Variants in TNKS2 observed in about 807,000 individuals in gnomAD.
TNKS2 encodes poly [ADP-ribose] polymerase tankyrase-2.
In TNKS2, 72 loss-of-function variants were observed where a neutral mutation model predicts 137.6. The ratio of observed to expected loss-of-function variants is 0.52; its 90% CI spans 0.43 to 0.64. The LOEUF (loss-of-function observed/expected upper bound fraction) is 0.64. TNKS2 is among the 30% of genes least tolerant of loss of function. TNKS2 has a pLI of 0.00. For synonymous variants in TNKS2, 516 were observed against 512.1 expected, an observed-to-expected ratio of 1.01 and a Z score of -0.10; for missense variants, 1,049 against 1,410.2, an observed-to-expected ratio of 0.74 and a Z score of 4.10.
At chr10:91,841,487 A>T in intron 15 of TNKS2, 39 bp downstream of exon 15, 1 of 1,492,376 alleles carries the variant, frequency 6.7e-7, no homozygotes, top group African/African-American at 1.4e-5. Flanking sequence ...TATGAATTAC[A>T]TAGCATATGT....
At chr10:91,861,258 G>T (rs1004851103) in intron 25 of TNKS2, among the ~76,000 whole-genome samples, 2 of 152,146 alleles carry the variant, frequency 1.3e-5, no homozygotes, top group African/African-American at 4.8e-5. Context: ...AAATTCTGTG[G>T]ATGGGGACCA....
intron 13 of TNKS2, among the ~76,000 whole-genome samples, chr10:91,839,880 G>T (rs1252561695): frequency 6.6e-6 from 1 of 152,116 alleles, no homozygotes; most frequent in African/African-American, 2.4e-5. Flanking sequence ...TTCTTAATAA[G>T]CTCCTTGGTA....
At chr10:91,851,431 C>A in intron 21 of TNKS2, 95 bp downstream of exon 21, 10 of 1,103,418 alleles carry the variant, frequency 9.1e-6, no homozygotes, top group Non-Finnish European at 1.1e-5. Context: ...ATGAGAGAAT[C>A]TGTTTAATAG....
chr10:91,807,332 C>G, intron 1 of TNKS2: 3 of 1,613,754 alleles, frequency 1.9e-6, no homozygotes, highest in South Asian at 2.2e-5. Context: ...CACACAAGTT[C>G]CCATCAGAAT....
chr10:91,824,995 C>T (rs1044633157), intron 7 of TNKS2, among the ~76,000 whole-genome samples: 1 of 152,066 alleles, frequency 6.6e-6, no homozygotes, highest in Non-Finnish European at 1.5e-5. Flanking sequence ...AATAGTATTG[C>T]AAGCAATATA....
intron 1 of TNKS2, among the ~76,000 whole-genome samples, chr10:91,803,113 G>C (rs1844221568): frequency 6.6e-6 from 1 of 152,200 alleles, no homozygotes; most frequent in South Asian, 2.1e-4. Context: ...TGGCCAGACA[G>C]TATGTCTATC....
intron 26 of TNKS2, among the ~76,000 whole-genome samples, chr10:91,862,367 C>T (rs1207159834): frequency 6.6e-6 from 1 of 152,012 alleles, no homozygotes; most frequent in Non-Finnish European, 1.5e-5. Context: ...ATATTTTGTT[C>T]TCTTTTTTAC....
intron 19 of TNKS2, 81 bp from the exon 20 acceptor site, chr10:91,849,431 T>C: frequency 9.3e-7 from 1 of 1,076,606 alleles, no homozygotes; most frequent in Non-Finnish European, 1.4e-6. Flanking sequence ...ATAGTAACAT[T>C]ACAAGACTTT....
chr10:91,817,989 C>T (rs184670359), intron 3 of TNKS2, among the ~76,000 whole-genome samples: 2 of 152,298 alleles, frequency 1.3e-5, no homozygotes, highest in East Asian at 3.9e-4. Flanking sequence ...AGCTTTGTGC[C>T]TGGATTTTGT....
chr10:91,812,765 C>T (rs1280967148), intron 1 of TNKS2: 1 of 985,216 alleles, frequency 1.0e-6, no homozygotes. Context: ...ACCCAAGGCA[C>T]TGCTTAGGTA....
At position 91,846,966 on chromosome 10, in the gene TNKS2, G is replaced by A. The variant is rs1842393981; in HGVS notation, c.2358+1026G>A. Among the ~76,000 whole-genome samples, 2 of 152,176 alleles carry A rather than the reference G, an allele frequency of 1.3e-5. 1 individual carries two copies. The highest frequency in any genetic ancestry group is 1.3e-4 in the Admixed American group (2 of 15,284). On this transcript the variant is annotated intron_variant, in intron 18 of 26. Coordinates refer to ENST00000371627, the MANE Select transcript of TNKS2 (RefSeq NM_025235.4). ...GAATTCCAGCTGCACGATTTAAGTTGTACAATCTTATGAACTGCCTAACCT... is the reference window on the plus strand; with the variant it reads ...GAATTCCAGCTGCACGATTTAAGTTATACAATCTTATGAACTGCCTAACCT...
At chr10:91,837,667 C>T (rs1184403171) in intron 13 of TNKS2, among the ~76,000 whole-genome samples, 1 of 152,172 alleles carries the variant, frequency 6.6e-6, no homozygotes, top group East Asian at 1.9e-4. Flanking sequence ...TCAGACCAGC[C>T]TGGCCAACAT....
Position 91,836,954 on chromosome 10 carries a change from C to A in TNKS2, c.1483C>A (p.Gln495Lys). The A allele has an allele frequency of 6.2e-7, 1 of 1,613,304 alleles. No homozygotes were observed. Among genetic ancestry groups the A allele is most frequent in the Non-Finnish European group, 8.5e-7 (1 of 1,179,626 alleles). The change falls in exon 13 of 27, where the codon CAA becomes AAA. Residue 495 changes from glutamine to lysine, a missense_variant. Transcript: ENST00000371627. Reference protein sequence around the residue: ...ISLGNSEADRQLLEAAKAGDV... With the variant: ...ISLGNSEADRKLLEAAKAGDV... ...ATTAGGTAATTCAGAGGCAGACAGA[C>A]AATTGCTGGAAGCTGCAAAGGCTGG... is the stretch of plus-strand genomic sequence containing the variant.
At chr10:91,811,014 A>G (rs775709008) in intron 1 of TNKS2, among the ~76,000 whole-genome samples, 24 of 123,870 alleles carry the variant, frequency 1.9e-4, no homozygotes, top group African/African-American at 7.6e-4. Flanking sequence ...TGCAACCTAT[A>G]CCTGCCGGGT....
Position 91,823,330 on chromosome 10 carries a change from T to G in TNKS2, c.795+968T>G, listed in dbSNP as rs1250950381. Among the ~76,000 whole-genome samples, 113 of 129,608 alleles carry G rather than the reference T, an allele frequency of 8.7e-4. 4 individuals carry two copies. Among genetic ancestry groups the G allele is most frequent in the South Asian group, 5.0e-3 (18 of 3,606 alleles). 85.0% of individuals were successfully genotyped at this position (129,608 alleles called of 152,430 possible). A position where few individuals can be genotyped will look rare whatever the true frequency, so the allele number is the denominator to read the frequency against. On this transcript the variant is annotated intron_variant, in intron 7 of 26. Transcript: ENST00000371627. Reference sequence around the variant, plus strand: ...TTTTTTGGTTTTTTGGTTTTTTTTTTTTTTTTTTTTTTTTTGAGACGGAGT... The same window carrying G: ...TTTTTTGGTTTTTTGGTTTTTTTTTGTTTTTTTTTTTTTTTGAGACGGAGT...
In TNKS2 at chr10:91,813,225, TCCGA is replaced by T. The variant is rs1198147652; in HGVS notation, c.424+20_424+23del. 6.2e-7 allele frequency: 1 copy of T among 1,601,692 alleles called. No homozygotes were observed. Among genetic ancestry groups the T allele is most frequent in the Non-Finnish European group, 8.6e-7 (1 of 1,169,368 alleles). On this transcript the variant is annotated intron_variant, in intron 2 of 26. Transcript: ENST00000371627. Reference sequence around the variant, plus strand: ...TTGCATTGGTAAGACTGTTTACTTTTCCGACTTTTACTAATGTTGTAACTATTCT... The same window carrying T: ...TTGCATTGGTAAGACTGTTTACTTTTCTTTTACTAATGTTGTAACTATTCT...
chr10:91,809,597 C>T (rs1211880020), intron 1 of TNKS2, among the ~76,000 whole-genome samples: 4 of 150,268 alleles, frequency 2.7e-5, no homozygotes, highest in Non-Finnish European at 5.9e-5. Context: ...ACCTGGGAGG[C>T]GGAGCTTGCA....
intron 1 of TNKS2, among the ~76,000 whole-genome samples, chr10:91,799,436 A>G (rs1346770822): frequency 6.6e-6 from 1 of 152,210 alleles, no homozygotes. Flanking sequence ...AGTGACTAGA[A>G]CGGGAAATAG....
intron 2 of TNKS2, among the ~76,000 whole-genome samples, chr10:91,815,514 T>C (rs1420717298): frequency 6.6e-6 from 1 of 152,010 alleles, no homozygotes; most frequent in Non-Finnish European, 1.5e-5. Context: ...TCCAATATGG[T>C]AGCTAAGGGC....
Sources: allele counts gnomAD v4.1 joint callset (sites outside exome capture counted in the v4.1 genomes callset), GRCh38; gene constraint gnomAD v4.1.1; transcripts MANE v1.5; gene names NCBI Gene and HGNC (gene_info 2026-07-23, HGNC 2026-07-21).